The following CNTN5 variants were observed in gnomAD, a reference collection of about 807,000 sequenced individuals.
CNTN5 encodes the protein contactin 5, also known as contactin-5.
CNTN5 carries 77 observed loss-of-function variants against 129.1 expected under a neutral mutation model. That is an observed-to-expected ratio of 0.60 (90% CI 0.50 to 0.72). The LOEUF is 0.72. CNTN5 is among the 30% of genes least tolerant of loss of function. CNTN5 has a pLI of 0.00. For synonymous variants in CNTN5, 509 were observed against 465.6 expected, an observed-to-expected ratio of 1.09 and a Z score of -1.20; for missense variants, 1,478 against 1,328.8, an observed-to-expected ratio of 1.11 and a Z score of -1.75.
intron 3 of CNTN5, among the ~76,000 whole-genome samples, chr11:99,755,764 T>A (rs1944385966): frequency 6.6e-6 from 1 of 152,104 alleles, no homozygotes; most frequent in African/African-American, 2.4e-5. Context: ...GAAAGAAGTT[T>A]AATAGATTAC....
At chr11:99,926,690 C>T (rs1950070659) in intron 7 of CNTN5, among the ~76,000 whole-genome samples, 1 of 151,938 alleles carries the variant, frequency 6.6e-6, no homozygotes, top group African/African-American at 2.4e-5. Flanking sequence ...GTAATTGTTC[C>T]AAAAATATTT....
At chr11:100,114,896 T>C (rs563264525) in intron 13 of CNTN5, among the ~76,000 whole-genome samples, 2 of 152,008 alleles carry the variant, frequency 1.3e-5, no homozygotes, top group Non-Finnish European at 2.9e-5. Flanking sequence ...ATATTAATGT[T>C]ATCATTTCAC....
chr11:99,994,797 A>C (rs1555173835), intron 8 of CNTN5, among the ~76,000 whole-genome samples: 1 of 152,226 alleles, frequency 6.6e-6, no homozygotes, highest in South Asian at 2.1e-4. Flanking sequence ...AGAGCATTAA[A>C]GATAAACTTC....
intron 13 of CNTN5, among the ~76,000 whole-genome samples, chr11:100,129,033 G>A (rs1035937927): frequency 2.0e-5 from 3 of 152,058 alleles, no homozygotes; most frequent in Non-Finnish European, 4.4e-5. Flanking sequence ...ATAGATTTAA[G>A]CACTAGAGAA....
intron 1 of CNTN5, among the ~76,000 whole-genome samples, chr11:99,302,547 T>C (rs577687386): frequency 2.9e-4 from 44 of 151,932 alleles, no homozygotes; most frequent in African/African-American, 1.1e-3. Context: ...ATTTTCAGGA[T>C]ACATGTGATA....
intron 1 of CNTN5, among the ~76,000 whole-genome samples, chr11:99,233,892 G>A (rs1591393628): frequency 1.3e-5 from 2 of 152,238 alleles, no homozygotes; most frequent in South Asian, 4.1e-4. Flanking sequence ...CTTGCAGTGA[G>A]CGGAGATCGC....
intron 9 of CNTN5, among the ~76,000 whole-genome samples, chr11:100,031,045 G>A (rs1591086516): frequency 6.6e-6 from 1 of 152,184 alleles, no homozygotes; most frequent in African/African-American, 2.4e-5. Flanking sequence ...ACTTTCCACT[G>A]CACAGTCTAT....
chr11:99,308,081 A>G (rs1864949875), intron 1 of CNTN5, among the ~76,000 whole-genome samples: 2 of 152,236 alleles, frequency 1.3e-5, no homozygotes, highest in Non-Finnish European at 2.9e-5. Flanking sequence ...AGAAAGTAAC[A>G]TTCAAATGAA....
At chr11:99,341,890 A>C (rs1033909607) in intron 2 of CNTN5, among the ~76,000 whole-genome samples, 1 of 152,192 alleles carries the variant, frequency 6.6e-6, no homozygotes, top group Non-Finnish European at 1.5e-5. Context: ...GCTGAAGAAA[A>C]GTACTGTGAG....
chr11:100,297,140 T>C (rs1951114282), intron 18 of CNTN5, among the ~76,000 whole-genome samples: 1 of 151,508 alleles, frequency 6.6e-6, no homozygotes, highest in African/African-American at 2.4e-5. Flanking sequence ...TTTAAGTAGT[T>C]TCTCACTCCA....
intron 2 of CNTN5, among the ~76,000 whole-genome samples, chr11:99,502,432 C>T (rs1456036158): frequency 1.3e-5 from 2 of 151,930 alleles, no homozygotes; most frequent in Admixed American, 1.3e-4. Flanking sequence ...GGGGTGGTTT[C>T]CTCCACGCTG....
intron 3 of CNTN5, among the ~76,000 whole-genome samples, chr11:99,777,388 T>C (rs1434775310): frequency 1.3e-5 from 2 of 151,868 alleles, no homozygotes. Flanking sequence ...TAAAAGTTAA[T>C]TCTAGGCAAA....
chr11:100,260,745 A>C (rs7933445), intron 17 of CNTN5, among the ~76,000 whole-genome samples: 4,119 of 152,220 alleles, frequency 0.027, 199 homozygotes, highest in African/African-American at 0.094. Flanking sequence ...AAATTCAACA[A>C]CGCTTCATGC....
intron 1 of CNTN5, among the ~76,000 whole-genome samples, chr11:99,135,135 A>T (rs1051421678): frequency 6.6e-6 from 1 of 152,224 alleles, no homozygotes; most frequent in African/African-American, 2.4e-5. Flanking sequence ...TTATGCATCA[A>T]ATGTTGGCTA....
chr11:99,472,904 T>C lies in CNTN5; in HGVS notation c.-70-83241T>C, dbSNP rs538955500. On this transcript the variant is annotated intron_variant, in intron 2 of 24. Coordinates refer to ENST00000524871, the MANE Select transcript of CNTN5 (RefSeq NM_014361.4). ...TTTTCTATGGCACCTTATCCTTCTGTGATTGTTTCATCAAATTGAGCTTCT... is the reference window on the plus strand; with the variant it reads ...TTTTCTATGGCACCTTATCCTTCTGCGATTGTTTCATCAAATTGAGCTTCT... Among the ~76,000 whole-genome samples, 405 of 152,290 alleles carry C rather than the reference T, an allele frequency of 2.7e-3. 2 individuals carry two copies. The highest frequency in any genetic ancestry group is 8.8e-3 in the African/African-American group (366 of 41,558).
At chr11:100,316,593 T>C (rs139876349) in intron 21 of CNTN5, among the ~76,000 whole-genome samples, 1 of 152,310 alleles carries the variant, frequency 6.6e-6, no homozygotes, top group African/African-American at 2.4e-5. Flanking sequence ...AAATTTTCCT[T>C]TATTTTCTAA....
intron 1 of CNTN5, among the ~76,000 whole-genome samples, chr11:99,246,204 G>T (rs571719911): frequency 2.6e-5 from 4 of 152,058 alleles, no homozygotes; most frequent in Admixed American, 6.6e-5. Flanking sequence ...TCTAATGAAC[G>T]CATTTTGCAT....
intron 1 of CNTN5, among the ~76,000 whole-genome samples, chr11:99,077,795 C>T (rs1052714883): frequency 2.0e-5 from 3 of 152,158 alleles, no homozygotes; most frequent in African/African-American, 4.8e-5. Context: ...TTGCTAGGAA[C>T]ATCTCCTTCC....
intron 10 of CNTN5, among the ~76,000 whole-genome samples, chr11:100,065,419 G>A (rs1281022428): frequency 1.3e-5 from 2 of 152,006 alleles, no homozygotes. Flanking sequence ...AAAAATAGAT[G>A]AGAGTCAGGA....
Sources: gnomAD v4.1 joint callset for allele counts (sites outside exome capture counted in the v4.1 genomes callset) on GRCh38, gnomAD v4.1.1 for gene constraint, MANE v1.5 for transcripts, NCBI Gene and HGNC (gene_info 2026-07-23, HGNC 2026-07-21) for gene names.